The following NPHP4 variants were observed in gnomAD, a reference collection of about 807,000 sequenced individuals.
NPHP4 encodes nephrocystin 4.
A neutral mutation model predicts 155.8 loss-of-function variants in NPHP4; 151 were observed. The observed-to-expected ratio is 0.97, with a 90% confidence interval of 0.85 to 1.11. NPHP4 has a LOEUF of 1.11. Among genes scored for constraint, NPHP4 ranks in the 50% least tolerant of loss-of-function variants. The pLI is 0.00. For missense variants in NPHP4, 1,956 were observed against 1,925.7 expected (o/e 1.02, Z -0.29); for synonymous variants, 845 against 816.8 (o/e 1.03, Z -0.59).
chr1:5,905,670 A>G lies in NPHP4; in HGVS notation c.1725T>C (p.Pro575=), dbSNP rs376871620. 6 of 1,613,806 alleles carry G rather than the reference A, an allele frequency of 3.7e-6. No homozygotes were observed. The highest frequency in any genetic ancestry group is 5.1e-6 in the Non-Finnish European group (6 of 1,179,868). The change falls in exon 14 of 30, where the codon CCT becomes CCC. Residue 575 remains proline, a synonymous_variant. Transcript: ENST00000378156. This position sits in a 1 kb window ranked among gnomAD's most constrained non-coding sequence, Gnocchi z 4.0. ...AEQLQELPFT[P]LHAPIVVGTQ... ...TTCCCACAACAATAGGGGCATGCAA[A>G]GGCGTGAACGGCAGCTCCTGTAACT...
intron 19 of NPHP4, chr1:5,877,527 C>A (rs756164295): frequency 2.6e-6 from 1 of 390,948 alleles, no homozygotes; most frequent in Non-Finnish European, 4.5e-6. Flanking sequence ...AAATTAAAAG[C>A]AATTCTGACT....
At chr1:5,945,414 CAG>C (rs925482551) in intron 9 of NPHP4, among the ~76,000 whole-genome samples, 1 of 152,076 alleles carries the variant, frequency 6.6e-6, no homozygotes, top group African/African-American at 2.4e-5. Context: ...TAAAGAAAAG[CAG>C]AACTGGAACA....
chr1:5,900,514 A>C (rs1311522599), intron 16 of NPHP4, among the ~76,000 whole-genome samples: 1 of 152,168 alleles, frequency 6.6e-6, no homozygotes, highest in South Asian at 2.1e-4. Flanking sequence ...GGCAACATGG[A>C]AACAGTCAAA....
intron 16 of NPHP4, among the ~76,000 whole-genome samples, chr1:5,904,075 G>A (rs1644799282): frequency 6.6e-6 from 1 of 152,204 alleles, no homozygotes. Context: ...AGACTGTGGG[G>A]TGGACGCTCT....
chr1:5,887,420 A>G lies in NPHP4; in HGVS notation c.2351T>C (p.Leu784Pro), dbSNP rs1181757363. 2 of 1,613,214 alleles carry G rather than the reference A, an allele frequency of 1.2e-6. No homozygotes were observed. The highest frequency in any genetic ancestry group is 1.7e-6 in the Non-Finnish European group (2 of 1,179,888). Residue 784 changes from leucine (L) to proline (P), a missense_variant, in exon 18 of 30, where the codon CTT becomes CCT. Transcript: ENST00000378156. The part of the protein sequence containing the change: ...GRPAVQASHE[L>P]EVVATEYEQD... ...CTCGTATTCAGTTGCCACGACCTCA[A>G]GCTCGTGGGAGGCCTGCACAGCCGG...
chr1:5,896,785 C>T (rs1644414762), intron 16 of NPHP4, among the ~76,000 whole-genome samples: 1 of 152,172 alleles, frequency 6.6e-6, no homozygotes. Context: ...GAGAAACGGG[C>T]CCTGGCTGGC....
intron 9 of NPHP4, among the ~76,000 whole-genome samples, chr1:5,940,865 A>G (rs1646781322): frequency 6.6e-6 from 1 of 152,212 alleles, no homozygotes; most frequent in African/African-American, 2.4e-5. Flanking sequence ...GAGATGTAAA[A>G]TTCTCTCTAA....
chr1:5,863,211 G>T lies in NPHP4; in HGVS notation c.*54C>A, dbSNP rs370217970. On this transcript the variant is annotated 3_prime_UTR_variant, in exon 30 of 30. Transcript: ENST00000378156. Reference sequence around the variant, plus strand: ...GGGAGGACAGCCTGCAGGGCAGGAGGGGCACAGACAGGCCCCAGCTGGGTG... The same window carrying T: ...GGGAGGACAGCCTGCAGGGCAGGAGTGGCACAGACAGGCCCCAGCTGGGTG... 1.9e-6 allele frequency: 3 copies of T among 1,601,966 alleles called. No homozygotes were observed. Among genetic ancestry groups the T allele is most frequent in the South Asian group, 1.1e-5 (1 of 90,780 alleles).
At chr1:5,959,025 T>C (rs1042119072) in intron 6 of NPHP4, among the ~76,000 whole-genome samples, 2 of 125,248 alleles carry the variant, frequency 1.6e-5, no homozygotes, top group East Asian at 5.6e-4. Flanking sequence ...CCAAAACAAC[T>C]CTGAGAGTGG....
intron 18 of NPHP4, chr1:5,880,782 C>A (rs1643201387): frequency 6.3e-6 from 1 of 158,626 alleles, no homozygotes; most frequent in Admixed American, 6.0e-5. Flanking sequence ...GGTGTGGCAC[C>A]CTACAAACTT....
intron 5 of NPHP4, among the ~76,000 whole-genome samples, chr1:5,964,191 C>G (rs1201427465): frequency 6.6e-6 from 1 of 152,182 alleles, no homozygotes; most frequent in Non-Finnish European, 1.5e-5. Context: ...GAATCAGATG[C>G]AATACTGGAC....
Position 5,904,719 on chromosome 1 carries a change from G to C in NPHP4, c.2041C>G (p.Pro681Ala), listed in dbSNP as rs1231134384. ...TCCAGCTGGACCAGCTGCAGTCGTG[G>C]CGTCGTTGCGGGTGGGAAGCGGTAG... ...QFYRFPPATTPRLQLVQLDEA... is the reference protein window; with the variant it reads ...QFYRFPPATTARLQLVQLDEA... The change falls in exon 16 of 30, where the codon CCA becomes GCA. Residue 681 changes from proline to alanine, a missense_variant. Transcript: ENST00000378156. The C allele has an allele frequency of 6.2e-7, 1 of 1,614,050 alleles. No homozygotes were observed. The highest frequency in any genetic ancestry group is 8.5e-7 in the Non-Finnish European group (1 of 1,179,898).
chr1:5,947,999 C>T, intron 8 of NPHP4, 71 bp downstream of exon 8: 1 of 1,231,774 alleles, frequency 8.1e-7, no homozygotes, highest in Admixed American at 1.7e-5. Context: ...ACCTGACATG[C>T]ACAAATGACC....
Position 5,907,124 on chromosome 1 carries a change from CGGGGAG to C in NPHP4, c.1596_1601del (p.Ser533_Pro534del), listed in dbSNP as rs1644945388. ...GGTGGGCGGCACTTACTGCCTGGGC[CGGGGAG>C]GCCTGAGAGCCATGGGGTAGCTGTG... is the stretch of plus-strand genomic sequence containing the variant. On this transcript the variant is annotated inframe_deletion, in exon 13 of 30. Transcript: ENST00000378156. 2 of 1,534,290 alleles carry C rather than the reference CGGGGAG, an allele frequency of 1.3e-6. No individual in the cohort carries two copies. Among genetic ancestry groups the C allele is most frequent in the Non-Finnish European group, 1.8e-6 (2 of 1,135,270 alleles).
intron 12 of NPHP4, among the ~76,000 whole-genome samples, chr1:5,907,766 T>C (rs1644983987): frequency 6.6e-6 from 1 of 152,202 alleles, no homozygotes; most frequent in Non-Finnish European, 1.5e-5. Flanking sequence ...GCTAACCTCT[T>C]TTTGCCTCAG....
intron 19 of NPHP4, among the ~76,000 whole-genome samples, chr1:5,878,001 G>A (rs1249490599): frequency 1.3e-5 from 2 of 152,250 alleles, no homozygotes; most frequent in Non-Finnish European, 2.9e-5. Flanking sequence ...GGGCGGGGCT[G>A]TGCTGGGTGA....
chr1:5,905,436 G>A lies in NPHP4; in HGVS notation c.1811C>T (p.Ser604Phe), dbSNP rs370529514. 31 of 1,611,718 alleles carry A rather than the reference G, an allele frequency of 1.9e-5. No individual in the cohort carries two copies. The highest frequency in any genetic ancestry group is 2.6e-5 in the Non-Finnish European group (31 of 1,177,970). Residue 604 changes from serine (S) to phenylalanine (F), a missense_variant, in exon 15 of 30, where the codon TCC becomes TTC. Coordinates refer to ENST00000378156, the MANE Select transcript of NPHP4 (RefSeq NM_015102.5). This position sits in a 1 kb window ranked among gnomAD's most constrained non-coding sequence, Gnocchi z 4.0. ...GGCATCCAGAATCTCGGGAAAGCCG[G>A]AGGACTGCAGGAGCACCATGGAGGC... ...SRASMVLLQS[S>F]GFPEILDANK...
At chr1:5,885,657 G>T (rs1472883483) in intron 18 of NPHP4, among the ~76,000 whole-genome samples, 1 of 152,240 alleles carries the variant, frequency 6.6e-6, no homozygotes, top group Admixed American at 6.5e-5. Flanking sequence ...CATGCACTGT[G>T]AATGCAGCTG....
At position 5,891,128 on chromosome 1, in the gene NPHP4, G is replaced by C. The variant is rs544191963; in HGVS notation, c.2144-100C>G. 14 of 783,498 alleles carry C rather than the reference G, an allele frequency of 1.8e-5. No homozygotes were observed. The South Asian group carries it at 4.9e-4, about 27-fold the overall frequency. The allele number at this position is 783,498 out of a possible 1,614,324, so 48.5% of individuals were successfully genotyped here. On this transcript the variant is annotated intron_variant, in intron 16 of 29. Coordinates refer to ENST00000378156, the MANE Select transcript of NPHP4 (RefSeq NM_015102.5). ...GCTCTGGTCATGATTACTAATTTCTGCTTCTGTCATAGCTACAGTTAATAA... is the reference window on the plus strand; with the variant it reads ...GCTCTGGTCATGATTACTAATTTCTCCTTCTGTCATAGCTACAGTTAATAA...
Sources: gnomAD v4.1 joint callset for allele counts (sites outside exome capture counted in the v4.1 genomes callset) on GRCh38, gnomAD v4.1.1 for gene constraint, Gnocchi (gnomAD v3.1) non-coding constraint, MANE v1.5 for transcripts, NCBI Gene and HGNC (gene_info 2026-07-23, HGNC 2026-07-21) for gene names.